ATP8B4: variants seen among roughly 807,000 people sequenced by gnomAD.
The protein encoded by ATP8B4 is probable phospholipid-transporting ATPase IM.
Under a neutral mutation model 145.6 loss-of-function variants are expected in ATP8B4, and 133 were observed. The observed-to-expected ratio is 0.91, with a 90% CI of 0.79 to 1.05. ATP8B4 has a LOEUF of 1.05. Among genes scored for constraint, ATP8B4 ranks in the 50% least tolerant of loss-of-function variants. The probability of loss-of-function intolerance (pLI) is 0.00; values close to 1 mark genes in which losing one functional copy is unlikely to be tolerated. For missense variants in ATP8B4, 1,458 were observed against 1,425.2 expected, an observed-to-expected ratio of 1.02 and a Z score of -0.37; for synonymous variants, 507 against 492.9, an observed-to-expected ratio of 1.03 and a Z score of -0.38.
intron 1 of ATP8B4, among the ~76,000 whole-genome samples, chr15:50,125,376 G>A (rs1195087936): frequency 1.3e-5 from 2 of 152,188 alleles, no homozygotes; most frequent in East Asian, 3.8e-4. Context: ...GTCACTGGGT[G>A]TGAAAATTTC....
chr15:50,155,983 T>A (rs1434752843), intron 1 of ATP8B4, among the ~76,000 whole-genome samples: 2 of 149,326 alleles, frequency 1.3e-5, no homozygotes, highest in Non-Finnish European at 3.0e-5. Context: ...ACTTTCAATG[T>A]TTATATTTTA....
At chr15:50,181,129 G>T (rs1595675297) in intron 1 of ATP8B4, among the ~76,000 whole-genome samples, 1 of 152,212 alleles carries the variant, frequency 6.6e-6, no homozygotes, top group Non-Finnish European at 1.5e-5. Context: ...AATAACTCAG[G>T]CTCCCAAAAT....
chr15:49,880,388 A>G (rs533531308), intron 23 of ATP8B4: 9 of 152,382 alleles, frequency 5.9e-5, no homozygotes, highest in African/African-American at 2.2e-4. Context: ...AAGGCAAGAA[A>G]GCATCCACTA....
intron 2 of ATP8B4, among the ~76,000 whole-genome samples, chr15:50,104,054 C>T (rs550621154): frequency 6.6e-6 from 1 of 152,114 alleles, no homozygotes; most frequent in South Asian, 2.1e-4. Flanking sequence ...ACTGGATTCT[C>T]ATCTCTCACC....
intron 15 of ATP8B4, among the ~76,000 whole-genome samples, chr15:49,931,800 G>C (rs1365705203): frequency 6.6e-6 from 1 of 151,948 alleles, no homozygotes; most frequent in Non-Finnish European, 1.5e-5. Context: ...GAGTGATGGA[G>C]AGATACTCCA....
intron 18 of ATP8B4, among the ~76,000 whole-genome samples, chr15:49,919,917 A>G (rs150283803): frequency 2.5e-4 from 38 of 152,278 alleles, no homozygotes; most frequent in African/African-American, 6.7e-4. Context: ...TCTCTGCTCT[A>G]AAAAGGTGGG....
intron 20 of ATP8B4, among the ~76,000 whole-genome samples, chr15:49,911,635 C>T (rs1179176841): frequency 6.6e-6 from 1 of 152,074 alleles, no homozygotes; most frequent in East Asian, 1.9e-4. Context: ...ATCATTTAGA[C>T]AGATAATCAA....
At position 50,158,484 on chromosome 15, in the gene ATP8B4, G is replaced by T. The variant is rs187513241; in HGVS notation, c.-43+23777C>A. Among the ~76,000 whole-genome samples the T allele has an allele frequency of 1.3e-4, 19 of 150,814 alleles. 1 individual carries two copies. The highest frequency in any genetic ancestry group is 3.9e-4 in the East Asian group (2 of 5,078). On this transcript the variant is annotated intron_variant, in intron 1 of 3. Transcript: ENST00000558829. ...CAGCCGCCCCGTCCGGGAGGGAGGT[G>T]GGGGGGCGCCTCCGCCCGGCCAGCC... is the stretch of plus-strand genomic sequence containing the variant.
chr15:50,152,752 G>A (rs956344468), intron 1 of ATP8B4, among the ~76,000 whole-genome samples: 47 of 152,120 alleles, frequency 3.1e-4, no homozygotes, highest in Admixed American at 2.2e-3. Context: ...GATTTCAAAC[G>A]CAACACAGAA....
intron 20 of ATP8B4, among the ~76,000 whole-genome samples, chr15:49,910,107 C>T (rs1398379574): frequency 6.6e-6 from 1 of 151,460 alleles, no homozygotes; most frequent in Non-Finnish European, 1.5e-5. Flanking sequence ...ATGAAAAAAA[C>T]AATTCAGGAT....
chr15:50,040,856 G>C (rs2051223307), intron 5 of ATP8B4, among the ~76,000 whole-genome samples: 1 of 152,178 alleles, frequency 6.6e-6, no homozygotes, highest in Admixed American at 6.5e-5. Context: ...ACTTCCACAG[G>C]AAAGAAAGGA....
chr15:49,873,963 A>C (rs190703863), intron 25 of ATP8B4, among the ~76,000 whole-genome samples: 1 of 152,230 alleles, frequency 6.6e-6, no homozygotes, highest in African/African-American at 2.4e-5. Flanking sequence ...CATCAGTTAT[A>C]ATGATTCTTT....
intron 8 of ATP8B4, among the ~76,000 whole-genome samples, chr15:50,000,868 A>G (rs2047831792): frequency 6.6e-6 from 1 of 152,100 alleles, no homozygotes; most frequent in Non-Finnish European, 1.5e-5. Flanking sequence ...ATACTTATAG[A>G]GCTATTCAAA....
At chr15:50,126,453 A>T (rs571819097) in intron 1 of ATP8B4, among the ~76,000 whole-genome samples, 47 of 152,290 alleles carry the variant, frequency 3.1e-4, no homozygotes, top group African/African-American at 1.1e-3. Context: ...AGATCCCAAG[A>T]GAAGGTTCCT....
intron 14 of ATP8B4, among the ~76,000 whole-genome samples, chr15:49,954,177 T>C (rs2043347438): frequency 6.6e-6 from 1 of 152,222 alleles, no homozygotes; most frequent in Non-Finnish European, 1.5e-5. Flanking sequence ...CTGGCTTTCT[T>C]GCTCCTCAGC....
At chr15:50,142,026 G>A (rs2044219903) in intron 1 of ATP8B4, among the ~76,000 whole-genome samples, 1 of 152,168 alleles carries the variant, frequency 6.6e-6, no homozygotes, top group East Asian at 1.9e-4. Flanking sequence ...TTCCTAAAAT[G>A]TAAAAACTGA....
chr15:49,959,860 A>C (rs2043908994), intron 14 of ATP8B4, among the ~76,000 whole-genome samples: 1 of 152,168 alleles, frequency 6.6e-6, no homozygotes, highest in African/African-American at 2.4e-5. Context: ...CATCATAAGG[A>C]TATTAACACT....
chr15:50,049,147 C>A (rs1375443340), intron 3 of ATP8B4, among the ~76,000 whole-genome samples: 1 of 152,198 alleles, frequency 6.6e-6, no homozygotes. Flanking sequence ...AAGCTCTTTA[C>A]AATATATTTC....
intron 1 of ATP8B4, among the ~76,000 whole-genome samples, chr15:50,148,625 G>A (rs1318300374): frequency 6.6e-6 from 1 of 152,084 alleles, no homozygotes; most frequent in African/African-American, 2.4e-5. Flanking sequence ...TAATGCAAAG[G>A]ATCTTGGACT....
Sources: allele counts gnomAD v4.1 joint callset (sites outside exome capture counted in the v4.1 genomes callset), GRCh38; gene constraint gnomAD v4.1.1; transcripts MANE v1.5; gene names NCBI Gene and HGNC (gene_info 2026-07-23, HGNC 2026-07-21).